Variants in PLXNA2 observed in about 807,000 individuals in gnomAD.
PLXNA2 encodes the protein plexin-A2.
PLXNA2 carries 91 observed loss-of-function variants against 193.5 expected under a neutral mutation model. The observed-to-expected ratio is 0.47, with a 90% CI of 0.40 to 0.56. The LOEUF (loss-of-function observed/expected upper bound fraction) is 0.56, where lower values mean the gene tolerates loss of function less well. PLXNA2 is among the 20% of genes least tolerant of loss of function. The probability of loss-of-function intolerance (pLI) is 0.00; values close to 1 mark genes in which losing one functional copy is unlikely to be tolerated. For missense variants in PLXNA2, 1,995 were observed against 2,503.2 expected (o/e 0.80, Z 4.33); for synonymous variants, 997 against 1,027.3 (o/e 0.97, Z 0.56).
intron 1 of PLXNA2, among the ~76,000 whole-genome samples, chr1:208,243,029 C>T (rs771899014): frequency 6.6e-6 from 1 of 152,204 alleles, no homozygotes; most frequent in Non-Finnish European, 1.5e-5. Context: ...CGATACACCG[C>T]AAAGGGAGCC....
intron 4 of PLXNA2, among the ~76,000 whole-genome samples, chr1:208,139,423 C>T: frequency 6.6e-6 from 1 of 152,136 alleles, no homozygotes; most frequent in South Asian, 2.1e-4. Flanking sequence ...GATCATGAGG[C>T]ATGAGAGCTA....
intron 3 of PLXNA2, among the ~76,000 whole-genome samples, chr1:208,191,671 G>A (rs756672577): frequency 2.0e-5 from 3 of 152,164 alleles, no homozygotes; most frequent in Non-Finnish European, 4.4e-5. Context: ...TCACTATGTC[G>A]CACAGATATT....
intron 17 of PLXNA2, among the ~76,000 whole-genome samples, chr1:208,046,983 T>G (rs923782627): frequency 6.6e-6 from 1 of 152,138 alleles, no homozygotes; most frequent in Non-Finnish European, 1.5e-5. Flanking sequence ...TTTTTTGAGA[T>G]GGAGTCTTGT....
At chr1:208,115,018 T>G (rs940115860) in intron 4 of PLXNA2, among the ~76,000 whole-genome samples, 3 of 152,226 alleles carry the variant, frequency 2.0e-5, no homozygotes, top group Admixed American at 6.5e-5. Context: ...CATTCATTCA[T>G]TCAACTCTGG....
Position 208,028,261 on chromosome 1 carries a change from C to A in PLXNA2, c.5439-102G>T, listed in dbSNP as rs967667357. On this transcript the variant is annotated intron_variant, in intron 30 of 31. Transcript: ENST00000367033. This position sits in a 1 kb window ranked among gnomAD's most constrained non-coding sequence, Gnocchi z 4.2. ...TCGAGGGCACTGATGTACCCAGTTG[C>A]TCCTGCCTCCCTATTTCTCTTCTGA... is the stretch of plus-strand genomic sequence containing the variant. 9.4e-7 allele frequency: 1 copy of A among 1,069,158 alleles called. No individual in the cohort carries two copies. The highest frequency in any genetic ancestry group is 2.6e-5 in the Admixed American group (1 of 39,142). 66.2% of individuals were successfully genotyped at this position (1,069,158 alleles called of 1,614,324 possible). A position where few individuals can be genotyped will look rare whatever the true frequency, so the allele number is the denominator to read the frequency against.
intron 3 of PLXNA2, among the ~76,000 whole-genome samples, chr1:208,188,472 GC>G (rs1027505018): frequency 2.8e-4 from 42 of 152,294 alleles, no homozygotes; most frequent in African/African-American, 8.4e-4. Flanking sequence ...ACTTTGGGAG[GC>G]CAAGGCAGGA....
intron 1 of PLXNA2, among the ~76,000 whole-genome samples, chr1:208,223,276 G>A (rs985219958): frequency 6.6e-6 from 1 of 151,174 alleles, no homozygotes; most frequent in Admixed American, 6.6e-5. Context: ...CCCACAGAAA[G>A]GAAACAAATT....
chr1:208,161,229 C>T (rs1051448222), intron 3 of PLXNA2, among the ~76,000 whole-genome samples: 1 of 152,162 alleles, frequency 6.6e-6, no homozygotes, highest in Admixed American at 6.5e-5. Context: ...ATAGAGAATG[C>T]CCCTGAGGCC....
chr1:208,214,938 T>C (rs1422221279), intron 2 of PLXNA2, among the ~76,000 whole-genome samples: 4 of 152,130 alleles, frequency 2.6e-5, no homozygotes, highest in African/African-American at 7.2e-5. Flanking sequence ...TTGCCAGCTG[T>C]CTCTAGCTCT....
intron 12 of PLXNA2, among the ~76,000 whole-genome samples, chr1:208,075,504 G>A (rs537410807): frequency 1.2e-4 from 19 of 152,144 alleles, no homozygotes; most frequent in East Asian, 5.8e-4. Flanking sequence ...GGTCTACCAC[G>A]TTTCTTCACT....
intron 11 of PLXNA2, among the ~76,000 whole-genome samples, chr1:208,080,506 A>C (rs527377149): frequency 1.5e-4 from 23 of 152,302 alleles, no homozygotes; most frequent in African/African-American, 5.5e-4. Context: ...AGCACATGTA[A>C]GCTTTCAGGA....
At chr1:208,033,220 C>T in intron 28 of PLXNA2, 99 bp downstream of exon 28, 1 of 1,166,630 alleles carries the variant, frequency 8.6e-7, no homozygotes, top group South Asian at 1.4e-5. Flanking sequence ...TGAATGGGTC[C>T]TCTTGAAGGA....
intron 1 of PLXNA2, among the ~76,000 whole-genome samples, chr1:208,240,609 G>T (rs997183504): frequency 6.6e-6 from 1 of 152,070 alleles, no homozygotes; most frequent in Non-Finnish European, 1.5e-5. Context: ...TGGGGCGGTG[G>T]TGATTGGGGC....
intron 1 of PLXNA2, among the ~76,000 whole-genome samples, chr1:208,221,381 GTTTTTTTTTTTTTT>G (rs33915614): frequency 1.0e-4 from 6 of 58,086 alleles, no homozygotes; most frequent in South Asian, 8.8e-4. Context: ...TTCTTTTTCT[GTTTTTTTTTTTTTT>G]TTTTTTTTTT....
At chr1:208,180,305 C>G (rs1302721984) in intron 3 of PLXNA2, among the ~76,000 whole-genome samples, 5 of 151,866 alleles carry the variant, frequency 3.3e-5, no homozygotes, top group Admixed American at 6.6e-5. Context: ...GCAGAAGAAA[C>G]GCCTCTGCAT....
chr1:208,094,254 T>C (rs1467678913), intron 8 of PLXNA2, among the ~76,000 whole-genome samples: 1 of 152,234 alleles, frequency 6.6e-6, no homozygotes, highest in Non-Finnish European at 1.5e-5. Flanking sequence ...CGCTGGCTAC[T>C]TTTGTGACCT....
chr1:208,174,464 ACT>A (rs1669597660), intron 3 of PLXNA2, among the ~76,000 whole-genome samples: 1 of 151,810 alleles, frequency 6.6e-6, no homozygotes, highest in Non-Finnish European at 1.5e-5. Flanking sequence ...GCATTGTCAA[ACT>A]CTCTGGATGG....
intron 1 of PLXNA2, among the ~76,000 whole-genome samples, chr1:208,238,017 A>G (rs990784525): frequency 3.9e-5 from 6 of 152,228 alleles, no homozygotes; most frequent in Non-Finnish European, 7.3e-5. Flanking sequence ...AAGGGTAAGA[A>G]TCTCTCCTTC....
intron 8 of PLXNA2, 105 bp from the exon 9 acceptor site, chr1:208,093,005 T>C: frequency 1.4e-6 from 1 of 712,920 alleles, no homozygotes; most frequent in Non-Finnish European, 2.4e-6. Context: ...CCTAGTCTCA[T>C]TCTCAGGAGG....
Sources: gnomAD v4.1 joint callset for allele counts (sites outside exome capture counted in the v4.1 genomes callset) on GRCh38, gnomAD v4.1.1 for gene constraint, Gnocchi (gnomAD v3.1) non-coding constraint, MANE v1.5 for transcripts, NCBI Gene and HGNC (gene_info 2026-07-23, HGNC 2026-07-21) for gene names.